The following FBN2 variants were observed in gnomAD, a reference collection of about 807,000 sequenced individuals.
The protein encoded by FBN2 is fibrillin 2.
FBN2 carries 105 observed loss-of-function variants against 355.6 expected under a neutral mutation model. That is an observed-to-expected ratio of 0.30 (90% CI 0.25 to 0.35). The LOEUF (loss-of-function observed/expected upper bound fraction) is 0.35. FBN2 is among the 10% of genes least tolerant of loss of function. The pLI, the probability that FBN2 is intolerant of heterozygous loss-of-function variation, is 1.00. For synonymous variants in FBN2, 1,350 were observed against 1,301.2 expected (o/e 1.04, Z -0.81); for missense variants, 3,280 against 3,758.7 (o/e 0.87, Z 3.33).
intron 4 of FBN2, 126 bp downstream of exon 4, chr5:128,527,746 T>C (rs1756599311): frequency 1.5e-6 from 1 of 685,414 alleles, no homozygotes. Flanking sequence ...AATTCAGTTT[T>C]AAGGTATGGT....
chr5:128,362,202 C>G (rs1751655923), intron 18 of FBN2, among the ~76,000 whole-genome samples: 1 of 152,068 alleles, frequency 6.6e-6, no homozygotes, highest in Admixed American at 6.6e-5. Flanking sequence ...TGCCTGTATA[C>G]TTGCTTATGT....
chr5:128,330,264 G>C (rs1396387248), intron 33 of FBN2, among the ~76,000 whole-genome samples: 1 of 152,226 alleles, frequency 6.6e-6, no homozygotes, highest in Admixed American at 6.5e-5. Context: ...AATCCAGGTA[G>C]TCTGATCCAG....
intron 25 of FBN2, among the ~76,000 whole-genome samples, chr5:128,340,934 G>T (rs1048259050): frequency 6.6e-6 from 1 of 152,122 alleles, no homozygotes; most frequent in Non-Finnish European, 1.5e-5. Flanking sequence ...TAGCTTTAAA[G>T]ATACAGAATA....
intron 60 of FBN2, 31 bp downstream of exon 60, chr5:128,274,536 G>C: frequency 8.1e-7 from 1 of 1,235,268 alleles, no homozygotes; most frequent in South Asian, 1.2e-5. Context: ...CTAGAAGTTT[G>C]TAAAATTTCC....
intron 5 of FBN2, among the ~76,000 whole-genome samples, chr5:128,492,614 C>A (rs963889389): frequency 7.9e-5 from 12 of 151,918 alleles, no homozygotes; most frequent in African/African-American, 2.9e-4. Flanking sequence ...ACCAGCCTTG[C>A]CAACATGGCT....
intron 34 of FBN2, among the ~76,000 whole-genome samples, chr5:128,321,489 C>T (rs1750372802): frequency 6.6e-6 from 1 of 152,124 alleles, no homozygotes; most frequent in South Asian, 2.1e-4. Context: ...GTTTCCCTCC[C>T]TGTCCACGTG....
chr5:128,518,718 C>T (rs1756352659), intron 5 of FBN2, among the ~76,000 whole-genome samples: 2 of 152,140 alleles, frequency 1.3e-5, no homozygotes, highest in Admixed American at 6.5e-5. Flanking sequence ...TGCTGACAGC[C>T]ATTTTACAAA....
chr5:128,477,504 A>T (rs1755037293), intron 5 of FBN2, among the ~76,000 whole-genome samples: 1 of 152,162 alleles, frequency 6.6e-6, no homozygotes, highest in African/African-American at 2.4e-5. Flanking sequence ...TGCTATAATG[A>T]CTTCTTTTAT....
intron 4 of FBN2, 73 bp from the exon 5 acceptor site, chr5:128,519,441 G>T: frequency 9.6e-7 from 1 of 1,042,422 alleles, no homozygotes; most frequent in Non-Finnish European, 1.5e-6. Context: ...CAGTGATGCT[G>T]CCAATAAAGG....
At chr5:128,278,035 G>T (rs1242904136) in intron 57 of FBN2, 30 bp from the exon 58 acceptor site, 2 of 1,612,682 alleles carry the variant, frequency 1.2e-6, no homozygotes, top group Non-Finnish European at 8.5e-7. Context: ...AAACAATCAG[G>T]AGTTAACATA....
chr5:128,412,946 C>T (rs1477461314), intron 7 of FBN2, among the ~76,000 whole-genome samples: 3 of 152,124 alleles, frequency 2.0e-5, no homozygotes, highest in African/African-American at 4.8e-5. Context: ...GAAAAATCAA[C>T]AGGAAGGACT....
chr5:128,301,594 A>C, intron 46 of FBN2, 84 bp from the exon 47 acceptor site: 1 of 1,295,322 alleles, frequency 7.7e-7, no homozygotes, highest in South Asian at 1.2e-5. Context: ...AAACATACTT[A>C]TTGGCATGCA....
Position 128,336,058 on chromosome 5 carries a change from G to A in FBN2, c.3654C>T (p.Asn1218=). The change falls in exon 28 of 65, where the codon AAC becomes AAT. Residue 1218 remains asparagine (N), a synonymous_variant. Coordinates refer to ENST00000262464, the MANE Select transcript of FBN2 (RefSeq NM_001999.4). ...DNLCRNGKCV[N]MIGTYQCSCN... Reference sequence around the variant, plus strand: ...AAGAGCACTGATAGGTTCCAATCATGTTCACACATTTTCCATTTCTGCAGA... The same window carrying A: ...AAGAGCACTGATAGGTTCCAATCATATTCACACATTTTCCATTTCTGCAGA... 1 of 1,613,492 alleles carries A rather than the reference G, an allele frequency of 6.2e-7. No individual in the cohort carries two copies. Among genetic ancestry groups the A allele is most frequent in the Non-Finnish European group, 8.5e-7 (1 of 1,179,490 alleles).
chr5:128,536,287 A>C, intron 2 of FBN2, 115 bp downstream of exon 2: 5 of 784,760 alleles, frequency 6.4e-6, no homozygotes, highest in Non-Finnish European at 1.1e-5. Flanking sequence ...TATCAGTGCA[A>C]TGTGATCACT....
chr5:128,350,429 T>C (rs1244033320), intron 21 of FBN2, among the ~76,000 whole-genome samples: 1 of 152,178 alleles, frequency 6.6e-6, no homozygotes, highest in Non-Finnish European at 1.5e-5. Context: ...CGGGCACCTC[T>C]AGTCCCAGCT....
At chr5:128,452,569 A>G (rs1277442284) in intron 6 of FBN2, among the ~76,000 whole-genome samples, 1 of 152,174 alleles carries the variant, frequency 6.6e-6, no homozygotes, top group African/African-American at 2.4e-5. Context: ...AAATATGTGC[A>G]GTATTATAGG....
At chr5:128,518,448 T>A (rs1259201508) in intron 5 of FBN2, among the ~76,000 whole-genome samples, 1 of 152,160 alleles carries the variant, frequency 6.6e-6, no homozygotes, top group Non-Finnish European at 1.5e-5. Context: ...AAGGAAGCTC[T>A]ACTGGCTTCA....
intron 6 of FBN2, among the ~76,000 whole-genome samples, chr5:128,447,558 T>C (rs992590357): frequency 6.6e-6 from 1 of 152,192 alleles, no homozygotes; most frequent in Non-Finnish European, 1.5e-5. Flanking sequence ...TGATAAGATG[T>C]TATCAATGAC....
In FBN2 at chr5:128,259,460, A is replaced by G. The variant is rs369356700; in HGVS notation, c.8734T>C (p.Tyr2912His). ...GGGCCCAAGTCTGTGAAGGGTTAAT[A>G]GAGCTGAATCTGCAGCCTCATTCTG... ...ALRMRLQIQL[Y>H] Residue 2912 changes from tyrosine to histidine, a missense_variant, in exon 65 of 65, where the codon TAT becomes CAT. Physicochemically the swap from Tyr to His is moderately conservative, Grantham distance 83. This residue lies in a region of FBN2 where 311 missense variants were observed against 319.1 expected (regional missense o/e 0.97). Transcript: ENST00000262464. The G allele has an allele frequency of 1.9e-6, 3 of 1,613,170 alleles. No homozygotes were observed. Among genetic ancestry groups the G allele is most frequent in the Non-Finnish European group, 2.5e-6 (3 of 1,180,012 alleles).
Sources: gnomAD v4.1 joint callset for allele counts (sites outside exome capture counted in the v4.1 genomes callset) on GRCh38, gnomAD v4.1.1 for gene constraint, gnomAD v4.1.1 regional missense constraint, MANE v1.5 for transcripts, NCBI Gene and HGNC (gene_info 2026-07-23, HGNC 2026-07-21) for gene names.